Variants in ZNF652 observed in about 807,000 individuals in gnomAD.
ZNF652 encodes zinc finger protein 652.
ZNF652 carries 16 observed loss-of-function variants against 45.2 expected under a neutral mutation model. The ratio of observed to expected loss-of-function variants is 0.35; its 90% CI spans 0.24 to 0.54. The LOEUF is 0.54. Ranked by LOEUF, ZNF652 falls within the 20% of genes least tolerant of loss-of-function variation. The pLI is 0.91. For synonymous variants in ZNF652, 250 were observed against 260.6 expected (o/e 0.96, Z 0.39); for missense variants, 614 against 765.6 (o/e 0.80, Z 2.34).
At chr17:49,348,166 C>T (rs1412187243) in intron 1 of ZNF652, among the ~76,000 whole-genome samples, 1 of 152,054 alleles carries the variant, frequency 6.6e-6, no homozygotes, top group Non-Finnish European at 1.5e-5. Context: ...CTATGGAAAA[C>T]TATACAACAA....
At chr17:49,331,993 A>C (rs1029076136) in intron 1 of ZNF652, among the ~76,000 whole-genome samples, 1 of 151,368 alleles carries the variant, frequency 6.6e-6, no homozygotes, top group African/African-American at 2.4e-5. Context: ...AATAAAATAT[A>C]AAATAAAAGG....
intron 1 of ZNF652, among the ~76,000 whole-genome samples, chr17:49,349,549 T>C (rs1037170159): frequency 7.2e-5 from 11 of 152,234 alleles, no homozygotes; most frequent in Admixed American, 2.0e-4. Context: ...TCAAGATCAG[T>C]AGCTTTTTCT....
intron 1 of ZNF652, among the ~76,000 whole-genome samples, chr17:49,331,650 TAAAA>T: frequency 1.3e-4 from 1 of 7,828 alleles, no homozygotes; most frequent in African/African-American, 1.0e-3. Flanking sequence ...TTATAAAAAA[TAAAA>T]AAATAAAAAA....
chr17:49,293,601 G>A lies in ZNF652; in HGVS notation c.*4812C>T, dbSNP rs2069431762. ...ATGACAAAAGCAGGTTAGCTAGGGT[G>A]TTGTTATTGCATAATAATGCCACTA... On this transcript the variant is annotated 3_prime_UTR_variant, in exon 6 of 6. Transcript: ENST00000430262. Among the ~76,000 whole-genome samples the A allele has an allele frequency of 2.9e-5, 4 of 136,824 alleles. No individual in the cohort carries two copies. Among genetic ancestry groups the A allele is most frequent in the Middle Eastern group, 4.5e-3 (1 of 222 alleles). The allele number at this position is 136,824 out of a possible 152,430, so 89.8% of individuals were successfully genotyped here.
At chr17:49,306,307 A>T (rs184029689) in intron 5 of ZNF652, among the ~76,000 whole-genome samples, 30 of 152,376 alleles carry the variant, frequency 2.0e-4, no homozygotes, top group African/African-American at 6.7e-4. Flanking sequence ...AAATACGTTG[A>T]TAACTACAAG....
chr17:49,302,819 G>A (rs1001563776), intron 5 of ZNF652, among the ~76,000 whole-genome samples: 6 of 151,450 alleles, frequency 4.0e-5, no homozygotes, highest in African/African-American at 9.7e-5. Context: ...AAAATTAGCC[G>A]GGTGTGGTGG....
chr17:49,337,396 T>C (rs2070098075), intron 1 of ZNF652, among the ~76,000 whole-genome samples: 1 of 151,232 alleles, frequency 6.6e-6, no homozygotes, highest in Non-Finnish European at 1.5e-5. Context: ...AACAACTCTG[T>C]AGGTAGCTTA....
At chr17:49,319,204 T>C (rs1259766420) in intron 1 of ZNF652, among the ~76,000 whole-genome samples, 1 of 152,238 alleles carries the variant, frequency 6.6e-6, no homozygotes, top group East Asian at 1.9e-4. Context: ...ACACATACCC[T>C]GTCTAGTTGA....
chr17:49,332,584 G>A (rs1207738185), intron 1 of ZNF652, among the ~76,000 whole-genome samples: 1 of 152,104 alleles, frequency 6.6e-6, no homozygotes, highest in Non-Finnish European at 1.5e-5. Flanking sequence ...ATTCTCTAGG[G>A]GTCCCAAAAC....
In ZNF652 at chr17:49,293,523, C is replaced by T. The variant is rs1212521708; in HGVS notation, c.*4890G>A. 6.6e-6 allele frequency among the ~76,000 whole-genome samples: 1 copy of T among 151,880 alleles called. No homozygotes were observed. The highest frequency in any genetic ancestry group is 1.5e-5 in the Non-Finnish European group (1 of 67,982). ...AGAGAGGATCTCTGGTTTGCTTTAT[C>T]GAGGTAGTGTCCAGGGTTGGAAGGT... On this transcript the variant is annotated 3_prime_UTR_variant, in exon 6 of 6. Transcript: ENST00000430262.
chr17:49,311,552 T>C, intron 4 of ZNF652, 96 bp from the exon 5 acceptor site: 3 of 1,317,054 alleles, frequency 2.3e-6, no homozygotes, highest in Non-Finnish European at 3.1e-6. Context: ...TTATTTTTCA[T>C]ATTCAAAATA....
rs2069710161 is a variant in ZNF652, at chr17:49,311,443, C to T, written c.1178G>A (p.Arg393Lys). The T allele has an allele frequency of 6.2e-7, 1 of 1,613,880 alleles. No homozygotes were observed. Residue 393 changes from arginine (R) to lysine (K), a missense_variant, in exon 5 of 6, where the codon AGG becomes AAG. Transcript: ENST00000430262. Reference sequence around the variant, plus strand: ...GCGTAGCTGGTACTTGTACTGAAACCTTTCGTCACAGTTCTGCATTGGATA... The same window carrying T: ...GCGTAGCTGGTACTTGTACTGAAACTTTTCGTCACAGTTCTGCATTGGATA... ...KPFRCENCDE[R>K]FQYKYQLRSH...
intron 1 of ZNF652, among the ~76,000 whole-genome samples, chr17:49,321,809 C>T (rs184776227): frequency 2.0e-5 from 3 of 152,210 alleles, no homozygotes; most frequent in Admixed American, 6.5e-5. Flanking sequence ...TATCAGCTAT[C>T]GCAGAAGGTA....
chr17:49,318,390 C>G lies in ZNF652; in HGVS notation c.-258-407G>C, dbSNP rs376874986. ...CACGCCTGGCCAAAATTATTAAACT[C>G]TTTACATATACAATGCTTTTAACTG... On this transcript the variant is annotated intron_variant, in intron 1 of 5. Transcript: ENST00000430262. Among the ~76,000 whole-genome samples, 8 of 152,234 alleles carry G rather than the reference C, an allele frequency of 5.3e-5. No individual in the cohort carries two copies. The South Asian group carries it at 6.2e-4, about 12-fold the overall frequency.
Position 49,312,770 on chromosome 17 carries a change from C to T in ZNF652, c.976G>A (p.Glu326Lys). The change falls in exon 3 of 6, where the codon GAA (glutamate) becomes AAA (lysine). Residue 326 changes from glutamate to lysine, a missense_variant. Glu to Lys is a moderately conservative substitution (Grantham distance 56). Transcript: ENST00000430262. The part of the protein sequence containing the change: ...EHIKIVHGYA[E>K]KKFSCEICEK... ...CAAATTTCACAGGAAAATTTCTTTT[C>T]TGCATATCCATGGACGATCTTGATA... is the stretch of plus-strand genomic sequence containing the variant. 6.2e-7 allele frequency: 1 copy of T among 1,614,120 alleles called. No individual in the cohort carries two copies. The highest frequency in any genetic ancestry group is 2.2e-5 in the East Asian group (1 of 44,878).
chr17:49,327,769 ATATATATATATTT>A lies in ZNF652; in HGVS notation c.-258-9799_-258-9787del, dbSNP rs1300998060. Among the ~76,000 whole-genome samples the A allele has an allele frequency of 5.0e-3, 23 of 4,572 alleles. 2 individuals are homozygous for A. Among genetic ancestry groups the A allele is most frequent in the African/African-American group, 0.031 (21 of 674 alleles). The allele number at this position is 4,572 out of a possible 152,430, so 3.0% of individuals were successfully genotyped here. A position where few individuals can be genotyped will look rare whatever the true frequency, so the allele number is the denominator to read the frequency against. ...TATATATATATATATATATATATAT[ATATATATATATTT>A]TTTTTTTTTTTTTTTAGTAGAGATA... On this transcript the variant is annotated intron_variant, in intron 1 of 5. Coordinates refer to ENST00000430262, the MANE Select transcript of ZNF652 (RefSeq NM_001145365.3).
chr17:49,341,818 A>G (rs1186314784), intron 1 of ZNF652, among the ~76,000 whole-genome samples: 1 of 152,188 alleles, frequency 6.6e-6, no homozygotes, highest in African/African-American at 2.4e-5. Context: ...TACTTTCAGA[A>G]CTAAGAAAAT....
intron 2 of ZNF652, among the ~76,000 whole-genome samples, chr17:49,313,203 C>T (rs796885204): frequency 8.5e-5 from 13 of 152,186 alleles, no homozygotes; most frequent in African/African-American, 2.9e-4. Flanking sequence ...TCGCCCAGGC[C>T]GGAGTGCAGT....
At chr17:49,359,896 C>T (rs761853497) in intron 1 of ZNF652, among the ~76,000 whole-genome samples, 5 of 144,530 alleles carry the variant, frequency 3.5e-5, no homozygotes, top group African/African-American at 2.9e-5. Flanking sequence ...GCAGGTACAC[C>T]GCTATGAGAA....
Sources: gnomAD v4.1 joint callset for allele counts (sites outside exome capture counted in the v4.1 genomes callset) on GRCh38, gnomAD v4.1.1 for gene constraint, MANE v1.5 for transcripts, NCBI Gene and HGNC (gene_info 2026-07-23, HGNC 2026-07-21) for gene names.